The following ADAMTS17 variants were observed in gnomAD, a reference collection of about 807,000 sequenced individuals.
ADAMTS17 encodes ADAM metallopeptidase with thrombospondin type 1 motif 17.
A neutral mutation model predicts 141.5 loss-of-function variants in ADAMTS17; 113 were observed. The observed-to-expected ratio is 0.80, with a 90% CI of 0.69 to 0.93. The LOEUF (loss-of-function observed/expected upper bound fraction) is 0.93, where lower values mean the gene tolerates loss of function less well. Ranked by LOEUF, ADAMTS17 falls within the 40% of genes least tolerant of loss-of-function variation. The pLI is 0.00. For missense variants in ADAMTS17, 1,659 were observed against 1,517.9 expected (o/e 1.09, Z -1.54); for synonymous variants, 768 against 630.6 (o/e 1.22, Z -3.27).
intron 8 of ADAMTS17, among the ~76,000 whole-genome samples, chr15:100,199,075 G>C (rs2041224861): frequency 6.6e-6 from 1 of 152,202 alleles, no homozygotes. Flanking sequence ...CTTCTTTCTA[G>C]TCTGTTGGCT....
At chr15:100,255,864 G>T (rs2043309966) in intron 6 of ADAMTS17, among the ~76,000 whole-genome samples, 2 of 152,334 alleles carry the variant, frequency 1.3e-5, no homozygotes, top group South Asian at 2.1e-4. Context: ...TCCAATGGCT[G>T]CCCTGAGGGG....
intron 12 of ADAMTS17, 93 bp from the exon 13 acceptor site, chr15:100,117,106 A>C: frequency 6.8e-7 from 1 of 1,462,124 alleles, no homozygotes; most frequent in Non-Finnish European, 9.3e-7. Context: ...GAGGAGAGGA[A>C]GGGGGCAGGG....
intron 20 of ADAMTS17, among the ~76,000 whole-genome samples, chr15:99,989,148 G>C (rs28373281): frequency 0.11 from 16,125 of 152,146 alleles, 2,611 homozygotes; most frequent in African/African-American, 0.35. Flanking sequence ...TCTGCCGGGG[G>C]GTGTGGGCGA....
At chr15:100,021,598 A>G (rs1295453665) in intron 18 of ADAMTS17, among the ~76,000 whole-genome samples, 2 of 152,190 alleles carry the variant, frequency 1.3e-5, no homozygotes, top group African/African-American at 4.8e-5. Context: ...TGAGCCCAGC[A>G]TTCCGGTCCC....
At chr15:100,149,834 G>T (rs144755947) in intron 10 of ADAMTS17, among the ~76,000 whole-genome samples, 22 of 152,304 alleles carry the variant, frequency 1.4e-4, no homozygotes, top group African/African-American at 5.3e-4. Flanking sequence ...TTTCGGCACT[G>T]AGGAATAAGC....
At chr15:100,177,456 T>C (rs867043963) in intron 8 of ADAMTS17, among the ~76,000 whole-genome samples, 15 of 152,216 alleles carry the variant, frequency 9.9e-5, no homozygotes, top group African/African-American at 3.4e-4. Context: ...ATTTTCCTGT[T>C]GTCTTTTTGT....
chr15:100,190,984 A>G (rs550904630), intron 8 of ADAMTS17, among the ~76,000 whole-genome samples: 1 of 152,300 alleles, frequency 6.6e-6, no homozygotes, highest in Non-Finnish European at 1.5e-5. Context: ...CACCGTCTGC[A>G]AAATGTCGAC....
At chr15:99,989,846 T>C (rs554903673) in intron 20 of ADAMTS17, among the ~76,000 whole-genome samples, 13 of 152,252 alleles carry the variant, frequency 8.5e-5, no homozygotes, top group Non-Finnish European at 1.5e-4. Flanking sequence ...GGCAATGAAA[T>C]GAAATGGGTT....
In ADAMTS17 at chr15:100,150,077, G is replaced by A. The variant is rs28594732; in HGVS notation, c.1473+2535C>T. ...TTATTTTATTGCTGGTGAAACTCTC[G>A]AGGCAAAAGCAAACAGGAAAACATA... is the stretch of plus-strand genomic sequence containing the variant. On this transcript the variant is annotated intron_variant, in intron 10 of 21. Coordinates refer to ENST00000268070, the MANE Select transcript of ADAMTS17 (RefSeq NM_139057.4). 9.1e-3 allele frequency among the ~76,000 whole-genome samples: 1,389 copies of A among 152,228 alleles called. 22 individuals are homozygous for A. Among genetic ancestry groups the A allele is most frequent in the African/African-American group, 0.032 (1,329 of 41,528 alleles).
At chr15:100,323,390 G>A (rs1200826115) in intron 3 of ADAMTS17, among the ~76,000 whole-genome samples, 2 of 152,136 alleles carry the variant, frequency 1.3e-5, no homozygotes, top group Non-Finnish European at 2.9e-5. Flanking sequence ...CCACTATACT[G>A]TACTGCCTCT....
intron 13 of ADAMTS17, among the ~76,000 whole-genome samples, chr15:100,114,212 G>T (rs2036971807): frequency 6.8e-6 from 1 of 147,626 alleles, no homozygotes; most frequent in Non-Finnish European, 1.5e-5. Flanking sequence ...CAAAAATACA[G>T]CTTCCCTTCT....
chr15:100,061,781 C>G (rs140708844), intron 15 of ADAMTS17, among the ~76,000 whole-genome samples: 11 of 152,328 alleles, frequency 7.2e-5, no homozygotes, highest in South Asian at 2.1e-4. Context: ...GATGGAAGAA[C>G]CACTACTTCG....
chr15:99,999,562 G>T (rs2060877198), intron 18 of ADAMTS17, among the ~76,000 whole-genome samples: 1 of 152,124 alleles, frequency 6.6e-6, no homozygotes, highest in Admixed American at 6.5e-5. Context: ...GAGGGGAAAG[G>T]ATGGGATTTG....
chr15:100,061,632 C>G (rs1354442743), intron 15 of ADAMTS17, among the ~76,000 whole-genome samples: 3 of 152,148 alleles, frequency 2.0e-5, no homozygotes, highest in Non-Finnish European at 4.4e-5. Flanking sequence ...CTAAAATTAC[C>G]ATGCAAAAGT....
At chr15:100,209,194 C>G (rs1465052505) in intron 7 of ADAMTS17, among the ~76,000 whole-genome samples, 1 of 151,226 alleles carries the variant, frequency 6.6e-6, no homozygotes, top group Non-Finnish European at 1.5e-5. Flanking sequence ...AAATGCTTAG[C>G]CCAGCAAAGC....
At chr15:100,029,368 C>T (rs60886653) in intron 18 of ADAMTS17, among the ~76,000 whole-genome samples, 1,641 of 152,290 alleles carry the variant, frequency 0.011, 34 homozygotes, top group African/African-American at 0.037. Context: ...ACAAAATGGC[C>T]GTTGCTTCCC....
At chr15:100,005,392 C>G (rs1324283109) in intron 18 of ADAMTS17, among the ~76,000 whole-genome samples, 2 of 152,140 alleles carry the variant, frequency 1.3e-5, no homozygotes, top group African/African-American at 2.4e-5. Context: ...CCTGGAGACT[C>G]CAGGGAAGAA....
At chr15:100,321,769 T>A (rs544006602) in intron 3 of ADAMTS17, among the ~76,000 whole-genome samples, 1 of 152,200 alleles carries the variant, frequency 6.6e-6, no homozygotes, top group South Asian at 2.1e-4. Context: ...TTTTAATATA[T>A]CTCTAAAACA....
Position 100,192,202 on chromosome 15 carries a change from G to A in ADAMTS17, c.1181+7116C>T, listed in dbSNP as rs562150271. Among the ~76,000 whole-genome samples, 29 of 152,308 alleles carry A rather than the reference G, an allele frequency of 1.9e-4. 1 individual carries two copies. The South Asian group carries it at 3.5e-3, about 19-fold the overall frequency. On this transcript the variant is annotated intron_variant, in intron 8 of 21. Coordinates refer to ENST00000268070, the MANE Select transcript of ADAMTS17 (RefSeq NM_139057.4). ...GTATTCAGGAATCACTCCAAGCTCC[G>A]CTGAGGGAAACGTGAGAACCCTTCA...
Sources: gnomAD v4.1 joint callset for allele counts (sites outside exome capture counted in the v4.1 genomes callset) on GRCh38, gnomAD v4.1.1 for gene constraint, MANE v1.5 for transcripts, NCBI Gene and HGNC (gene_info 2026-07-23, HGNC 2026-07-21) for gene names.